The following IL36B variants were observed in gnomAD, a reference collection of about 807,000 sequenced individuals.
The protein encoded by IL36B is interleukin-36 beta.
IL36B carries 23 observed loss-of-function variants against 19.3 expected under a neutral mutation model. The ratio of observed to expected loss-of-function variants is 1.19; its 90% CI spans 0.86 to 1.69. IL36B has a LOEUF of 1.69. Among genes scored for constraint, IL36B ranks in the 40% most tolerant of loss-of-function variants. IL36B has a pLI of 0.00. For synonymous variants in IL36B, 59 were observed against 59.7 expected, an observed-to-expected ratio of 0.99 and a Z score of 0.05; for missense variants, 217 against 200.5, an observed-to-expected ratio of 1.08 and a Z score of -0.50.
At chr2:113,026,342 T>C in intron 4 of IL36B, 1 of 1,509,462 alleles carries the variant, frequency 6.6e-7, no homozygotes, top group Non-Finnish European at 8.9e-7. Context: ...ATACAGCATG[T>C]AAGGTGGGGT....
chr2:113,052,555 A>C (rs1471395848), intron 1 of IL36B, among the ~76,000 whole-genome samples: 1 of 152,252 alleles, frequency 6.6e-6, no homozygotes, highest in Non-Finnish European at 1.5e-5. Flanking sequence ...GAATGAGGCA[A>C]CATAATAGCT....
At chr2:113,031,295 A>C (rs1001509312) in intron 2 of IL36B, 140 bp from the exon 3 acceptor site, 6 of 658,456 alleles carry the variant, frequency 9.1e-6, no homozygotes, top group African/African-American at 8.9e-5. Flanking sequence ...CGATAAATGG[A>C]GGGGAAATAG....
chr2:113,049,442 A>C (rs1330894108), intron 1 of IL36B, among the ~76,000 whole-genome samples: 2 of 152,230 alleles, frequency 1.3e-5, no homozygotes, highest in East Asian at 1.9e-4. Flanking sequence ...ACTCAACAAC[A>C]AAAAAGCAAA....
chr2:113,043,371 G>A (rs375329404), intron 1 of IL36B, among the ~76,000 whole-genome samples: 3 of 152,026 alleles, frequency 2.0e-5, no homozygotes, highest in East Asian at 1.9e-4. Context: ...GAATGAAAAA[G>A]GTTTCTTCTA....
chr2:113,027,192 A>G (rs185363740), intron 4 of IL36B, among the ~76,000 whole-genome samples: 70 of 152,260 alleles, frequency 4.6e-4, no homozygotes, highest in Non-Finnish European at 1.6e-4. Flanking sequence ...ATCTATCCTC[A>G]TTATCTTCAC....
chr2:113,043,916 T>C (rs1433939255), intron 1 of IL36B, among the ~76,000 whole-genome samples: 1 of 152,230 alleles, frequency 6.6e-6, no homozygotes, highest in Non-Finnish European at 1.5e-5. Context: ...AGTCTATTTC[T>C]GGACTCTATC....
At chr2:113,046,635 A>C (rs1685356477) in intron 1 of IL36B, among the ~76,000 whole-genome samples, 1 of 152,080 alleles carries the variant, frequency 6.6e-6, no homozygotes, top group Non-Finnish European at 1.5e-5. Context: ...GTTGTTAATG[A>C]CGGTTTTGAG....
rs1185223511 is a variant in IL36B at position 113,031,583 on chromosome 2, T to C, written c.13+114A>G. On this transcript the variant is annotated intron_variant, in intron 2 of 5. Transcript: ENST00000259213. ...AGGCCGTTTTAGGAACTGAGTGTTT[T>C]AGCAAGAGCAAATACATTTATAGCT... The C allele has an allele frequency of 3.4e-5, 32 of 927,766 alleles. No individual in the cohort carries two copies. In the East Asian group the frequency reaches 7.6e-4, roughly 22 times the overall value. 57.5% of individuals were successfully genotyped at this position (927,766 alleles called of 1,614,324 possible). A position where few individuals can be genotyped will look rare whatever the true frequency, so the allele number is the denominator to read the frequency against.
Position 113,042,283 on chromosome 2 carries a change from T to C in IL36B, c.-57-10517A>G, listed in dbSNP as rs1014258051. 2.0e-5 allele frequency among the ~76,000 whole-genome samples: 3 copies of C among 152,228 alleles called. No individual in the cohort carries two copies. The East Asian group carries it at 5.8e-4, about 29-fold the overall frequency. Reference sequence around the variant, plus strand: ...ATTCCTAGAATGCCTAAGCTAGCTATATCCCTTAATCCTGCACTCAGGGTT... The same window carrying C: ...ATTCCTAGAATGCCTAAGCTAGCTACATCCCTTAATCCTGCACTCAGGGTT... On this transcript the variant is annotated intron_variant, in intron 1 of 5. Transcript: ENST00000259213.
intron 5 of IL36B, among the ~76,000 whole-genome samples, chr2:113,024,290 G>A (rs962411248): frequency 6.6e-6 from 1 of 152,140 alleles, no homozygotes; most frequent in Non-Finnish European, 1.5e-5. Context: ...GAAAAAAAAG[G>A]TCATAGGAAC....
At chr2:113,041,506 G>T (rs1465312751) in intron 1 of IL36B, among the ~76,000 whole-genome samples, 2 of 152,076 alleles carry the variant, frequency 1.3e-5, no homozygotes, top group Non-Finnish European at 2.9e-5. Flanking sequence ...AGAGAAAAAA[G>T]GCTAATATTT....
At position 113,033,148 on chromosome 2, in the gene IL36B, G is replaced by T. The variant is rs972314216; in HGVS notation, c.-57-1382C>A. ...CACACCCACCATGTCACATTTATATGGTACAAATATTGAGAGCTTATTCTG... is the reference window on the plus strand; with the variant it reads ...CACACCCACCATGTCACATTTATATTGTACAAATATTGAGAGCTTATTCTG... On this transcript the variant is annotated intron_variant, in intron 1 of 5. Transcript: ENST00000259213. Among the ~76,000 whole-genome samples, 8 of 152,166 alleles carry T rather than the reference G, an allele frequency of 5.3e-5. 1 individual carries two copies. The highest frequency in any genetic ancestry group is 2.0e-4 in the Admixed American group (3 of 15,280).
chr2:113,051,046 G>A (rs34514967), intron 1 of IL36B, among the ~76,000 whole-genome samples: 32,734 of 151,422 alleles, frequency 0.22, 3,924 homozygotes, highest in East Asian at 0.52. Context: ...GTGGCCTCCC[G>A]ATCCTTGAAT....
Position 113,026,144 on chromosome 2 carries a change from C to G in IL36B, c.350G>C (p.Ser117Thr). 1 of 1,613,878 alleles carries G rather than the reference C, an allele frequency of 6.2e-7. No individual in the cohort carries two copies. Among genetic ancestry groups the G allele is most frequent in the Non-Finnish European group, 8.5e-7 (1 of 1,179,818 alleles). ...TTGGTCAAGGGTTCCCATGAAGCAGCTCTCTCTCACATCCAGGTTTATGCA... is the reference window on the plus strand; with the variant it reads ...TTGGTCAAGGGTTCCCATGAAGCAGGTCTCTCTCACATCCAGGTTTATGCA... Residue 117 changes from serine to threonine, a missense_variant, in exon 5 of 6, where the codon AGC (serine) becomes ACC (threonine). Physicochemically the swap from Ser to Thr is moderately conservative, Grantham distance 58. Transcript: ENST00000259213.
At chr2:113,050,503 C>T (rs183217581) in intron 1 of IL36B, among the ~76,000 whole-genome samples, 41 of 152,156 alleles carry the variant, frequency 2.7e-4, no homozygotes, top group Admixed American at 6.5e-5. Context: ...TTCTGCAAAA[C>T]GAGAAGAGTT....
chr2:113,039,960 G>A lies in IL36B; in HGVS notation c.-57-8194C>T, dbSNP rs541057455. ...GTCACTCGGGGAAAATCATCTGCAT[G>A]GGTCAATTTCCCATTTTTGAAAGTT... On this transcript the variant is annotated intron_variant, in intron 1 of 5. Transcript: ENST00000259213. Among the ~76,000 whole-genome samples, 5 of 152,298 alleles carry A rather than the reference G, an allele frequency of 3.3e-5. No individual in the cohort carries two copies. In the South Asian group the frequency reaches 1.0e-3, roughly 32 times the overall value.
chr2:113,044,381 C>T (rs1275048025), intron 1 of IL36B, among the ~76,000 whole-genome samples: 1 of 151,572 alleles, frequency 6.6e-6, no homozygotes, highest in African/African-American at 2.4e-5. Flanking sequence ...TAGCTGTGAA[C>T]TCCTGAGCTC....
chr2:113,052,306 C>T (rs1196542468), intron 1 of IL36B, among the ~76,000 whole-genome samples: 2 of 152,100 alleles, frequency 1.3e-5, no homozygotes, highest in Non-Finnish European at 2.9e-5. Flanking sequence ...TCCTTCATTC[C>T]CCCAGCCTCG....
In IL36B at chr2:113,028,121, G is replaced by T. The variant is rs549755908; in HGVS notation, c.261+818C>A. On this transcript the variant is annotated intron_variant, in intron 4 of 5. Coordinates refer to ENST00000259213, the MANE Select transcript of IL36B (RefSeq NM_014438.5). ...AGGTCCATGATATTTTTTTCCTGGG[G>T]GTGGAAAAGAGGCTTGTTAGAGAGG... 1 of 1,612,732 alleles carries T rather than the reference G, an allele frequency of 6.2e-7. No homozygotes were observed. The highest frequency in any genetic ancestry group is 8.5e-7 in the Non-Finnish European group (1 of 1,179,126).
Sources: gnomAD v4.1 joint callset for allele counts (sites outside exome capture counted in the v4.1 genomes callset) on GRCh38, gnomAD v4.1.1 for gene constraint, MANE v1.5 for transcripts, NCBI Gene and HGNC (gene_info 2026-07-23, HGNC 2026-07-21) for gene names.